Variants in ADGRB1 observed in about 807,000 individuals in gnomAD.
The protein encoded by ADGRB1 is brain-specific angiogenesis inhibitor 1.
ADGRB1 carries 36 observed loss-of-function variants against 175.7 expected under a neutral mutation model. The observed-to-expected ratio is 0.20, with a 90% CI of 0.16 to 0.27. The LOEUF (loss-of-function observed/expected upper bound fraction) is 0.27, where lower values mean the gene tolerates loss of function less well. Among genes scored for constraint, ADGRB1 ranks in the 10% least tolerant of loss-of-function variants. The pLI is 1.00. For synonymous variants in ADGRB1, 1,054 were observed against 979.4 expected (o/e 1.08, Z -1.42); for missense variants, 1,731 against 2,255.3 (o/e 0.77, Z 4.71).
chr8:142,530,155 CTGTGTGTGCG>C (rs1050086578), intron 24 of ADGRB1, among the ~76,000 whole-genome samples: 2 of 151,752 alleles, frequency 1.3e-5, no homozygotes, highest in Non-Finnish European at 2.9e-5. Context: ...GGGCATGTGC[CTGTGTGTGCG>C]TGTGTGTGTA....
chr8:142,478,041 C>A, intron 6 of ADGRB1, 146 bp from the exon 7 acceptor site: 1 of 1,056,878 alleles, frequency 9.5e-7, no homozygotes, highest in Non-Finnish European at 1.4e-6. Flanking sequence ...ACAGGCTGGC[C>A]GTGGGTGGTG....
Position 142,474,508 on chromosome 8 carries a change from C to T in ADGRB1, c.785-966C>T, listed in dbSNP as rs1359508194. On this transcript the variant is annotated intron_variant, in intron 2 of 30. Transcript: ENST00000517894. The surrounding 1 kb of genome is among the most constrained non-coding windows in gnomAD (Gnocchi z 5.8). ...GGAGGCCTGGACGCGGCAGCCCCTT[C>T]CCGGCCCCCTGGTGCTGCTGCCCCT... 6.6e-6 allele frequency among the ~76,000 whole-genome samples: 1 copy of T among 152,188 alleles called. No homozygotes were observed. The highest frequency in any genetic ancestry group is 1.5e-5 in the Non-Finnish European group (1 of 68,012).
rs1198142087 is a variant in ADGRB1, at chr8:142,477,289, C to A, written c.1222+11C>A. ...CTGCCGTGTGCCCAGGTGGGTGGGA[C>A]CTTGGGCTGGGGCAGCGGACAGCCA... On this transcript the variant is annotated intron_variant, in intron 5 of 30. Coordinates refer to ENST00000517894, the MANE Select transcript of ADGRB1 (RefSeq NM_001702.3). 4 of 1,589,302 alleles carry A rather than the reference C, an allele frequency of 2.5e-6. No individual in the cohort carries two copies. The highest frequency in any genetic ancestry group is 3.4e-6 in the Non-Finnish European group (4 of 1,167,304).
At chr8:142,529,193 G>C (rs1276146108) in intron 24 of ADGRB1, among the ~76,000 whole-genome samples, 3 of 152,242 alleles carry the variant, frequency 2.0e-5, no homozygotes, top group African/African-American at 4.8e-5. Flanking sequence ...AGCATGGCTA[G>C]GTGTGTGCAT....
At chr8:142,470,462 CAG>C (rs1261256272) in intron 2 of ADGRB1, among the ~76,000 whole-genome samples, 1 of 151,578 alleles carries the variant, frequency 6.6e-6, no homozygotes, top group Non-Finnish European at 1.5e-5. Context: ...CAAGGAGGGA[CAG>C]GGGAGCCACT....
rs949537195 is a variant in ADGRB1 at position 142,492,054 on chromosome 8, T to C, written c.2675+1239T>C. Among the ~76,000 whole-genome samples the C allele has an allele frequency of 6.6e-6, 1 of 151,692 alleles. No individual in the cohort carries two copies. The highest frequency in any genetic ancestry group is 2.4e-5 in the African/African-American group (1 of 41,236). On this transcript the variant is annotated intron_variant, in intron 17 of 30. Transcript: ENST00000517894. This position sits in a 1 kb window ranked among gnomAD's most constrained non-coding sequence, Gnocchi z 4.4. Reference sequence around the variant, plus strand: ...GTTAGTGGGGGCTGGGTGTCATGACTCTCCACCTACCCACCACCCATCCAC... The same window carrying C: ...GTTAGTGGGGGCTGGGTGTCATGACCCTCCACCTACCCACCACCCATCCAC...
intron 17 of ADGRB1, among the ~76,000 whole-genome samples, chr8:142,491,714 C>G (rs1841990719): frequency 6.6e-6 from 1 of 152,226 alleles, no homozygotes. Flanking sequence ...CCTGGCTGCT[C>G]TGACATCACC....
At chr8:142,506,204 A>C (rs764826266) in intron 17 of ADGRB1, among the ~76,000 whole-genome samples, 1 of 152,056 alleles carries the variant, frequency 6.6e-6, no homozygotes, top group Non-Finnish European at 1.5e-5. Context: ...GAGTGGGAGG[A>C]GTCCCAATGG....
chr8:142,450,519 G>GC (rs145092751), intron 1 of ADGRB1, among the ~76,000 whole-genome samples: 2 of 152,140 alleles, frequency 1.3e-5, no homozygotes, highest in African/African-American at 2.4e-5. Flanking sequence ...GTCTAAGGGA[G>GC]CCCCCCATGG....
At position 142,522,123 on chromosome 8, in the gene ADGRB1, G is replaced by A. The variant is rs529559056; in HGVS notation, c.3175+8G>A. ...TCCTCTGCCTGGGCTGGGGTGAGCC[G>A]CGGCCTTCCCGACCCTCCTGGACAG... On this transcript the variant is annotated splice_region_variant and intron_variant, in intron 21 of 30. Coordinates refer to ENST00000517894, the MANE Select transcript of ADGRB1 (RefSeq NM_001702.3). 8 of 1,606,618 alleles carry A rather than the reference G, an allele frequency of 5.0e-6. No homozygotes were observed. The highest frequency in any genetic ancestry group is 2.2e-5 in the East Asian group (1 of 44,832).
chr8:142,478,436 C>T (rs1463952641), intron 7 of ADGRB1, 76 bp downstream of exon 7: 3 of 1,429,068 alleles, frequency 2.1e-6, no homozygotes, highest in Admixed American at 2.3e-5. Flanking sequence ...GGCCCCACAG[C>T]GGGTGGGGGT....
At position 142,543,841 on chromosome 8, in the gene ADGRB1, C is replaced by A; in HGVS notation, c.4557+133C>A. ...ATTCGTTCATTCATTCATTCATTCG[C>A]CCATCCCTGAGGGCTGGCCTGACCC... is the stretch of plus-strand genomic sequence containing the variant. On this transcript the variant is annotated intron_variant, in intron 30 of 30. Coordinates refer to ENST00000517894, the MANE Select transcript of ADGRB1 (RefSeq NM_001702.3). The surrounding 1 kb of genome is among the most constrained non-coding windows in gnomAD (Gnocchi z 4.4). 1 of 973,630 alleles carries A rather than the reference C, an allele frequency of 1.0e-6. No individual in the cohort carries two copies. The highest frequency in any genetic ancestry group is 1.6e-6 in the Non-Finnish European group (1 of 640,716). The allele number at this position is 973,630 out of a possible 1,614,324, so 60.3% of individuals were successfully genotyped here.
intron 22 of ADGRB1, among the ~76,000 whole-genome samples, chr8:142,523,368 G>A (rs981951068): frequency 9.4e-5 from 14 of 148,580 alleles, no homozygotes; most frequent in Middle Eastern, 6.8e-3. Flanking sequence ...TGGGGAGCGC[G>A]AGGCAGGAGG....
At position 142,511,458 on chromosome 8, in the gene ADGRB1, T is replaced by C. The variant is rs558778608; in HGVS notation, c.2817+385T>C. 1.5e-3 allele frequency among the ~76,000 whole-genome samples: 228 copies of C among 152,104 alleles called. 1 individual carries two copies. Among genetic ancestry groups the C allele is most frequent in the African/African-American group, 5.1e-3 (210 of 41,508 alleles). ...GAGGGGCTACCCTTTCCCTTGGTCC[T>C]CTCCGCCTGCCAGGGAGAGGGAGGA... On this transcript the variant is annotated intron_variant, in intron 18 of 30. Transcript: ENST00000517894. The surrounding 1 kb of genome is among the most constrained non-coding windows in gnomAD (Gnocchi z 4.5).
At chr8:142,509,008 G>A (rs572177235) in intron 17 of ADGRB1, among the ~76,000 whole-genome samples, 1 of 150,972 alleles carries the variant, frequency 6.6e-6, no homozygotes, top group Non-Finnish European at 1.5e-5. Flanking sequence ...CTGTAAAACA[G>A]GAGCAGGTCC....
At chr8:142,481,442 G>C in intron 10 of ADGRB1, 75 bp from the exon 11 acceptor site, 1 of 1,589,220 alleles carries the variant, frequency 6.3e-7, no homozygotes, top group Non-Finnish European at 8.6e-7. Flanking sequence ...AGGGTCCTAG[G>C]CATGGGAGAT....
In ADGRB1 at chr8:142,492,635, A is replaced by G. The variant is rs1286522985; in HGVS notation, c.2675+1820A>G. Among the ~76,000 whole-genome samples, 1 of 152,152 alleles carries G rather than the reference A, an allele frequency of 6.6e-6. No homozygotes were observed. Among genetic ancestry groups the G allele is most frequent in the Non-Finnish European group, 1.5e-5 (1 of 68,022 alleles). On this transcript the variant is annotated intron_variant, in intron 17 of 30. Transcript: ENST00000517894. The surrounding 1 kb of genome is among the most constrained non-coding windows in gnomAD (Gnocchi z 4.4). The stretch of plus-strand genomic sequence containing the variant: ...GGCTCCTGCCTTCTCTGCACCCCAC[A>G]TGGTGGACTCTGCTATGTTTCCTGC...
At chr8:142,485,155 C>T (rs879284511) in intron 13 of ADGRB1, among the ~76,000 whole-genome samples, 30 of 152,228 alleles carry the variant, frequency 2.0e-4, no homozygotes, top group Admixed American at 1.8e-3. Context: ...CTGGACTCCA[C>T]CCAGCTCCGT....
intron 2 of ADGRB1, among the ~76,000 whole-genome samples, chr8:142,465,808 A>G (rs1840246114): frequency 6.6e-6 from 1 of 151,952 alleles, no homozygotes; most frequent in Non-Finnish European, 1.5e-5. Flanking sequence ...AGGTGGGGGA[A>G]CCTCATGCCA....
Sources: allele counts gnomAD v4.1 joint callset (sites outside exome capture counted in the v4.1 genomes callset), GRCh38; gene constraint gnomAD v4.1.1; non-coding constraint Gnocchi (gnomAD v3.1); transcripts MANE v1.5; gene names NCBI Gene and HGNC (gene_info 2026-07-23, HGNC 2026-07-21).